The following ADCY8 variants were observed in gnomAD, a reference collection of about 807,000 sequenced individuals.
The protein encoded by ADCY8 is adenylate cyclase 8, also known as adenylate cyclase type 8.
Under a neutral mutation model 119.7 loss-of-function variants are expected in ADCY8, and 51 were observed. The ratio of observed to expected loss-of-function variants is 0.43; its 90% CI spans 0.34 to 0.54. The LOEUF (loss-of-function observed/expected upper bound fraction) is 0.54, where lower values mean the gene tolerates loss of function less well. ADCY8 is among the 20% of genes least tolerant of loss of function. The pLI, the probability that ADCY8 is intolerant of heterozygous loss-of-function variation, is 0.03. For synonymous variants in ADCY8, 665 were observed against 651.0 expected (o/e 1.02, Z -0.33); for missense variants, 1,383 against 1,598.8 (o/e 0.87, Z 2.30).
At chr8:131,038,086 A>G (rs1005510938) in intron 1 of ADCY8, among the ~76,000 whole-genome samples, 4 of 152,208 alleles carry the variant, frequency 2.6e-5, no homozygotes, top group Non-Finnish European at 5.9e-5. Flanking sequence ...GAGCAAAGGA[A>G]TATAGAACCA....
At chr8:130,986,262 C>T (rs912446697) in intron 2 of ADCY8, among the ~76,000 whole-genome samples, 1 of 152,116 alleles carries the variant, frequency 6.6e-6, no homozygotes, top group Non-Finnish European at 1.5e-5. Context: ...ACAATGGGCA[C>T]AGGTATCTTT....
At chr8:130,933,724 A>G (rs1265281160) in intron 5 of ADCY8, among the ~76,000 whole-genome samples, 5 of 152,246 alleles carry the variant, frequency 3.3e-5, no homozygotes, top group Non-Finnish European at 7.3e-5. Context: ...GATCAGGAAG[A>G]ATAAGGTCCT....
intron 8 of ADCY8, among the ~76,000 whole-genome samples, chr8:130,881,071 G>T (rs1022175391): frequency 2.6e-5 from 4 of 152,158 alleles, no homozygotes; most frequent in African/African-American, 9.7e-5. Context: ...CCATGGCAGG[G>T]AGTACACAGA....
rs557269354 is a variant in ADCY8 at position 130,781,928 on chromosome 8, G to T, written c.3269-1051C>A. Among the ~76,000 whole-genome samples, 6 of 152,260 alleles carry T rather than the reference G, an allele frequency of 3.9e-5. No individual in the cohort carries two copies. The East Asian group carries it at 1.2e-3, about 29-fold the overall frequency. On this transcript the variant is annotated intron_variant, in intron 17 of 17. Coordinates refer to ENST00000286355, the MANE Select transcript of ADCY8 (RefSeq NM_001115.3). Reference sequence around the variant, plus strand: ...GTCCTAGGCATTGGGGATGTGGTGGGAAAGGAAAGAAATACAGCCCTGGTC... The same window carrying T: ...GTCCTAGGCATTGGGGATGTGGTGGTAAAGGAAAGAAATACAGCCCTGGTC...
At chr8:130,903,005 C>T (rs1380295042) in intron 7 of ADCY8, among the ~76,000 whole-genome samples, 2 of 152,104 alleles carry the variant, frequency 1.3e-5, no homozygotes, top group Non-Finnish European at 2.9e-5. Flanking sequence ...TGGCTCCAAG[C>T]AAGCATTCTG....
intron 1 of ADCY8, among the ~76,000 whole-genome samples, chr8:130,996,669 A>T (rs1822786451): frequency 6.6e-6 from 1 of 152,148 alleles, no homozygotes; most frequent in Non-Finnish European, 1.5e-5. Flanking sequence ...CTCATATTAT[A>T]TGCAAAAATA....
intron 1 of ADCY8, among the ~76,000 whole-genome samples, chr8:131,004,632 C>T (rs1376520998): frequency 6.6e-6 from 1 of 152,206 alleles, no homozygotes; most frequent in African/African-American, 2.4e-5. Context: ...TCTTATTCAT[C>T]TGTAGAGTAA....
At chr8:130,962,965 A>C (rs1254795177) in intron 2 of ADCY8, among the ~76,000 whole-genome samples, 1 of 152,194 alleles carries the variant, frequency 6.6e-6, no homozygotes, top group African/African-American at 2.4e-5. Flanking sequence ...TTAAAACCTC[A>C]CATTAATCGT....
chr8:130,828,407 C>T (rs984356807), intron 12 of ADCY8, among the ~76,000 whole-genome samples: 2 of 152,096 alleles, frequency 1.3e-5, no homozygotes, highest in African/African-American at 4.8e-5. Context: ...TCACTCTGTG[C>T]CCTTGGTCTG....
chr8:130,781,031 C>A (rs1160003269), intron 17 of ADCY8, among the ~76,000 whole-genome samples, 154 bp from the exon 18 acceptor site: 1 of 152,118 alleles, frequency 6.6e-6, no homozygotes, highest in Non-Finnish European at 1.5e-5. Context: ...TTAGATGTAT[C>A]ACCTGGGTCA....
In ADCY8 at chr8:130,938,389, A is replaced by T. The variant is rs28699083; in HGVS notation, c.1354-1189T>A. Among the ~76,000 whole-genome samples the T allele has an allele frequency of 3.4e-3, 524 of 152,214 alleles. 2 individuals are homozygous for T. The highest frequency in any genetic ancestry group is 0.012 in the African/African-American group (512 of 41,546). On this transcript the variant is annotated intron_variant, in intron 4 of 17. Transcript: ENST00000286355. ...TAGCTCCTTCACATATCTGTTTTTCATCATGGACAAGTGACATATCCTCTT... is the reference window on the plus strand; with the variant it reads ...TAGCTCCTTCACATATCTGTTTTTCTTCATGGACAAGTGACATATCCTCTT...
chr8:130,971,068 C>G (rs142953738), intron 2 of ADCY8, among the ~76,000 whole-genome samples: 19 of 152,260 alleles, frequency 1.2e-4, no homozygotes, highest in African/African-American at 4.6e-4. Flanking sequence ...AAGTCAAAGG[C>G]TAGTGAATCT....
At chr8:130,810,728 A>G (rs1187186615) in intron 14 of ADCY8, among the ~76,000 whole-genome samples, 1 of 152,198 alleles carries the variant, frequency 6.6e-6, no homozygotes, top group Admixed American at 6.5e-5. Flanking sequence ...TGAACTGTTT[A>G]AATATTTATA....
chr8:130,931,695 C>A (rs557601259), intron 5 of ADCY8, among the ~76,000 whole-genome samples: 1 of 152,142 alleles, frequency 6.6e-6, no homozygotes, highest in East Asian at 1.9e-4. Context: ...TTCACAATTT[C>A]TTTCTTCTGC....
intron 9 of ADCY8, 129 bp from the exon 10 acceptor site, chr8:130,849,932 A>G (rs1817463088): frequency 1.1e-6 from 1 of 925,796 alleles, no homozygotes; most frequent in African/African-American, 1.7e-5. Context: ...TGTCCAAGAA[A>G]AAGGTTATTA....
chr8:131,023,491 C>T (rs1462802441), intron 1 of ADCY8, among the ~76,000 whole-genome samples: 1 of 152,180 alleles, frequency 6.6e-6, no homozygotes, highest in African/African-American at 2.4e-5. Flanking sequence ...GAGAGGCAGA[C>T]TGTATCTTCC....
intron 1 of ADCY8, among the ~76,000 whole-genome samples, chr8:131,032,261 GA>G (rs968554888): frequency 6.6e-6 from 1 of 152,140 alleles, no homozygotes; most frequent in African/African-American, 2.4e-5. Context: ...TAATTTGGGG[GA>G]AGTTTGTGCT....
At chr8:130,959,802 G>C (rs138569980) in intron 2 of ADCY8, among the ~76,000 whole-genome samples, 2 of 152,216 alleles carry the variant, frequency 1.3e-5, no homozygotes, top group East Asian at 3.8e-4. Context: ...CAGCATGTTT[G>C]AGAAACCAAA....
chr8:131,040,280 G>T lies in ADCY8; in HGVS notation c.54C>A (p.Ile18=), dbSNP rs529228094. The change falls in exon 1 of 18, where the codon ATC becomes ATA. Residue 18 remains isoleucine (I), a synonymous_variant. Transcript: ENST00000286355. ...CGTCGCCGGCCGGGGGCGTCGGGTG[G>T]ATGGTGTAGAGTTCCTCGCTGCCTG... ...CLTGSEELYT[I]HPTPPAGDGR... is the part of the protein sequence containing the mutation. The T allele has an allele frequency of 2.4e-5, 38 of 1,569,476 alleles. No homozygotes were observed. The South Asian group carries it at 3.9e-4, about 16-fold the overall frequency.
Sources: allele counts gnomAD v4.1 joint callset (sites outside exome capture counted in the v4.1 genomes callset), GRCh38; gene constraint gnomAD v4.1.1; transcripts MANE v1.5; gene names NCBI Gene and HGNC (gene_info 2026-07-23, HGNC 2026-07-21).